The following HEXD variants were observed in gnomAD, a reference collection of about 807,000 sequenced individuals.
The protein encoded by HEXD is N-acetyl-beta-galactosaminidase.
HEXD carries 47 observed loss-of-function variants against 54.2 expected under a neutral mutation model. The observed-to-expected ratio is 0.87, with a 90% CI of 0.69 to 1.11. The LOEUF (loss-of-function observed/expected upper bound fraction) is 1.11. Among genes scored for constraint, HEXD ranks in the 50% least tolerant of loss-of-function variants. The pLI, the probability that HEXD is intolerant of heterozygous loss-of-function variation, is 0.00. For synonymous variants in HEXD, 293 were observed against 287.6 expected (o/e 1.02, Z -0.19); for missense variants, 576 against 649.2 (o/e 0.89, Z 1.23).
At chr17:82,426,679 A>G (rs2053423081) in intron 3 of HEXD, 1 of 152,250 alleles carries the variant, frequency 6.6e-6, no homozygotes, top group South Asian at 2.1e-4. Context: ...CCAAACTGGT[A>G]AGCCTTTTTT....
chr17:82,436,788 A>G (rs1180378481), intron 7 of HEXD, 50 bp downstream of exon 7: 1 of 1,532,158 alleles, frequency 6.5e-7, no homozygotes, highest in East Asian at 2.3e-5. Context: ...GTGCCTGGGA[A>G]GGCCATCCCT....
intron 9 of HEXD, chr17:82,440,113 C>G (rs1296790720): frequency 4.7e-6 from 6 of 1,283,350 alleles, no homozygotes; most frequent in Non-Finnish European, 6.1e-6. Context: ...ACTCACACTT[C>G]CAGGTCTCCT....
intron 2 of HEXD, among the ~76,000 whole-genome samples, chr17:82,423,038 CAA>C (rs2053282597): frequency 6.8e-6 from 1 of 147,898 alleles, no homozygotes; most frequent in Non-Finnish European, 1.5e-5. Flanking sequence ...TCCTGGGGGA[CAA>C]GAGCAAAACT....
At chr17:82,430,868 CTT>C (rs1051544843) in intron 4 of HEXD, among the ~76,000 whole-genome samples, 8 of 151,972 alleles carry the variant, frequency 5.3e-5, no homozygotes, top group African/African-American at 1.9e-4. Flanking sequence ...TCTAAAAACT[CTT>C]TGTGATCACC....
chr17:82,436,582 T>C (rs1349803526), intron 6 of HEXD, 85 bp from the exon 7 acceptor site: 3 of 1,161,434 alleles, frequency 2.6e-6, no homozygotes, highest in South Asian at 2.8e-5. Context: ...GCTCACACTT[T>C]CAAGCAAAAC....
rs149082204 is a variant in HEXD, at chr17:82,435,597, G to A, written c.448-92G>A. On this transcript the variant is annotated intron_variant, in intron 5 of 12. Coordinates refer to ENST00000327949, the MANE Select transcript of HEXD (RefSeq NM_001330542.2). ...CCTGGCCTCCTCCCCACAGGCAGCG[G>A]CCCCTCTCCGTCAGGGCACGGCGTG... 254 of 1,323,674 alleles carry A rather than the reference G, an allele frequency of 1.9e-4. 3 individuals are homozygous for A. The East Asian group carries it at 6.0e-3, about 31-fold the overall frequency. The allele number at this position is 1,323,674 out of a possible 1,614,324, so 82.0% of individuals were successfully genotyped here.
chr17:82,425,192 A>G (rs942409235), intron 3 of HEXD, among the ~76,000 whole-genome samples: 172 of 142,412 alleles, frequency 1.2e-3, no homozygotes, highest in African/African-American at 3.5e-3. Flanking sequence ...GAGGCCGGAG[A>G]AGGCTGGAGG....
At position 82,420,713 on chromosome 17, in the gene HEXD, G is replaced by C. The variant is rs1050382679; in HGVS notation, c.84+830G>C. Reference sequence around the variant, plus strand: ...CTCTGGAGTAGCTGGGATTACAGGTGCCTGCCACCATGCCTGGCTAATTTT... The same window carrying C: ...CTCTGGAGTAGCTGGGATTACAGGTCCCTGCCACCATGCCTGGCTAATTTT... On this transcript the variant is annotated intron_variant, in intron 2 of 12. Coordinates refer to ENST00000327949, the MANE Select transcript of HEXD (RefSeq NM_001330542.2). 2.0e-5 allele frequency among the ~76,000 whole-genome samples: 3 copies of C among 152,152 alleles called. 1 individual carries two copies. Among genetic ancestry groups the C allele is most frequent in the African/African-American group, 7.2e-5 (3 of 41,434 alleles).
intron 5 of HEXD, among the ~76,000 whole-genome samples, chr17:82,435,142 C>T (rs1168775252): frequency 6.6e-6 from 1 of 152,214 alleles, no homozygotes; most frequent in Non-Finnish European, 1.5e-5. Context: ...CAGAGCAAGA[C>T]CCTGTCTCCA....
chr17:82,419,730 T>G lies in HEXD; in HGVS notation c.-51-19T>G, dbSNP rs904937051. 3.1e-6 allele frequency: 3 copies of G among 965,034 alleles called. No homozygotes were observed. The highest frequency in any genetic ancestry group is 4.9e-6 in the Non-Finnish European group (3 of 607,190). 59.8% of individuals were successfully genotyped at this position (965,034 alleles called of 1,614,324 possible). On this transcript the variant is annotated intron_variant, in intron 1 of 12. Coordinates refer to ENST00000327949, the MANE Select transcript of HEXD (RefSeq NM_001330542.2). ...AGAAGCTTCTGCCCCTGTTGATAAC[T>G]CTTGATTTTCTCCACTAGGAAGAAG...
At chr17:82,432,459 C>G (rs2053600888) in intron 4 of HEXD, among the ~76,000 whole-genome samples, 1 of 152,168 alleles carries the variant, frequency 6.6e-6, no homozygotes, top group African/African-American at 2.4e-5. Context: ...GCCCCTTTGG[C>G]AGCAAAGCTG....
chr17:82,440,591 G>A (rs2053905256), intron 9 of HEXD: 1 of 321,194 alleles, frequency 3.1e-6, no homozygotes, highest in South Asian at 2.6e-5. Flanking sequence ...ATTCGTCCAC[G>A]CTGGTGCCTG....
In HEXD at chr17:82,441,078, A is replaced by G; in HGVS notation, c.1061+3A>G. 1 of 1,613,546 alleles carries G rather than the reference A, an allele frequency of 6.2e-7. No homozygotes were observed. The highest frequency in any genetic ancestry group is 8.5e-7 in the Non-Finnish European group (1 of 1,179,974). On this transcript the variant is annotated splice_donor_region_variant and intron_variant, in intron 10 of 12. Coordinates refer to ENST00000327949, the MANE Select transcript of HEXD (RefSeq NM_001330542.2). ...CTGGAAAAAACGGACCCTGTTAGGC[A>G]AGCACCCTGCAGCCCTCCCTGTCCC... is the stretch of plus-strand genomic sequence containing the variant.
At chr17:82,433,079 A>G (rs2053631898) in intron 4 of HEXD, among the ~76,000 whole-genome samples, 1 of 10,134 alleles carries the variant, frequency 9.9e-5, no homozygotes, top group Admixed American at 1.5e-3. Flanking sequence ...AAAAAAAAGA[A>G]AAAAAAAAAA....
chr17:82,428,477 G>A, intron 3 of HEXD, 81 bp from the exon 4 acceptor site: 1 of 1,214,878 alleles, frequency 8.2e-7, no homozygotes. Flanking sequence ...CCCAGGGCCT[G>A]ATGAGGAAGG....
In HEXD at chr17:82,439,620, C is replaced by A. The variant is rs772126788; in HGVS notation, c.900-11C>A. 2.3e-5 allele frequency: 36 copies of A among 1,534,248 alleles called. No individual in the cohort carries two copies. Among genetic ancestry groups the A allele is most frequent in the Non-Finnish European group, 3.1e-5 (35 of 1,139,904 alleles). ...GGGCTGCGGAGCTAAGCGCCCCTCT[C>A]ATGGACCCAGGTACGACCACTACTC... is the stretch of plus-strand genomic sequence containing the variant. On this transcript the variant is annotated splice_polypyrimidine_tract_variant and intron_variant, in intron 8 of 12. Transcript: ENST00000327949.
chr17:82,424,825 C>CAGAAGGTTAG (rs537370226), intron 3 of HEXD, among the ~76,000 whole-genome samples: 14 of 152,200 alleles, frequency 9.2e-5, no homozygotes, highest in South Asian at 4.2e-4. Context: ...GGCTGGACTA[C>CAGAAGGTTAG]AGAAGGTTAG....
At chr17:82,439,107 G>A (rs909668192) in intron 8 of HEXD, among the ~76,000 whole-genome samples, 24 of 152,242 alleles carry the variant, frequency 1.6e-4, no homozygotes, top group African/African-American at 5.3e-4. Context: ...CCCAGCCCTC[G>A]CTTGGGACAG....
At chr17:82,425,243 A>AGAGAAGGCTG (rs556736940) in intron 3 of HEXD, among the ~76,000 whole-genome samples, 2 of 143,776 alleles carry the variant, frequency 1.4e-5, no homozygotes, top group African/African-American at 2.6e-5. Flanking sequence ...GGAGGAGGCT[A>AGAGAAGGCTG]GAGAAGGCTG....
Sources: allele counts gnomAD v4.1 joint callset (sites outside exome capture counted in the v4.1 genomes callset), GRCh38; gene constraint gnomAD v4.1.1; transcripts MANE v1.5; gene names NCBI Gene and HGNC (gene_info 2026-07-23, HGNC 2026-07-21).